The following PXDNL variants were observed in gnomAD, a reference collection of about 807,000 sequenced individuals.
PXDNL encodes probable oxidoreductase PXDNL.
Under a neutral mutation model 150.8 loss-of-function variants are expected in PXDNL, and 145 were observed. That is an observed-to-expected ratio of 0.96 (90% CI 0.84 to 1.10). The LOEUF is 1.10. PXDNL is among the 50% of genes least tolerant of loss of function. The pLI is 0.00. For synonymous variants in PXDNL, 757 were observed against 725.7 expected, an observed-to-expected ratio of 1.04 and a Z score of -0.69; for missense variants, 2,087 against 1,873.9, an observed-to-expected ratio of 1.11 and a Z score of -2.10.
At chr8:51,495,710 C>T (rs973369011) in intron 5 of PXDNL, among the ~76,000 whole-genome samples, 2 of 152,142 alleles carry the variant, frequency 1.3e-5, no homozygotes, top group African/African-American at 4.8e-5. Flanking sequence ...GACACATACA[C>T]CCTCCCAAGA....
chr8:51,397,012 T>C (rs1808102875), intron 17 of PXDNL, among the ~76,000 whole-genome samples: 1 of 152,224 alleles, frequency 6.6e-6, no homozygotes, highest in Non-Finnish European at 1.5e-5. Context: ...GCCACTCAAC[T>C]GTGGTCTTCA....
At chr8:51,462,778 G>A (rs1286773938) in intron 8 of PXDNL, among the ~76,000 whole-genome samples, 2 of 152,078 alleles carry the variant, frequency 1.3e-5, no homozygotes, top group African/African-American at 4.8e-5. Context: ...ACATCAGCAT[G>A]CAAATTCAAG....
chr8:51,766,363 T>C (rs1351701139), intron 1 of PXDNL, among the ~76,000 whole-genome samples: 1 of 152,236 alleles, frequency 6.6e-6, no homozygotes, highest in Non-Finnish European at 1.5e-5. Flanking sequence ...AGTTTTCTTT[T>C]AAATCAGAAG....
At position 51,488,696 on chromosome 8, in the gene PXDNL, C is replaced by G. The variant is rs533274053; in HGVS notation, c.453-4982G>C. Among the ~76,000 whole-genome samples the G allele has an allele frequency of 5.1e-4, 78 of 152,212 alleles. 1 individual carries two copies. Among genetic ancestry groups the G allele is most frequent in the African/African-American group, 1.8e-3 (76 of 41,542 alleles). On this transcript the variant is annotated intron_variant, in intron 5 of 22. Transcript: ENST00000356297. ...AGGGAAAATTTTGTAAGAAAATAAA[C>G]TTATCTAAAGGAGAGCAGGTGAAAC...
At chr8:51,773,244 T>C (rs531906656) in intron 1 of PXDNL, among the ~76,000 whole-genome samples, 2 of 152,330 alleles carry the variant, frequency 1.3e-5, no homozygotes, top group East Asian at 3.9e-4. Context: ...GTAGTTTTCT[T>C]ACCCTCCTGC....
chr8:51,444,660 G>C (rs979093125), intron 12 of PXDNL, among the ~76,000 whole-genome samples: 9 of 152,072 alleles, frequency 5.9e-5, no homozygotes, highest in African/African-American at 1.7e-4. Context: ...AACAGATGAA[G>C]GTTCTGCAAA....
chr8:51,451,695 G>T (rs142005282), intron 10 of PXDNL, among the ~76,000 whole-genome samples: 196 of 152,148 alleles, frequency 1.3e-3, no homozygotes, highest in Non-Finnish European at 2.3e-3. Flanking sequence ...TCTAAAAAAG[G>T]AAGTTTATCT....
At chr8:51,480,844 T>C (rs1450588992) in intron 6 of PXDNL, among the ~76,000 whole-genome samples, 2 of 152,212 alleles carry the variant, frequency 1.3e-5, no homozygotes, top group East Asian at 1.9e-4. Flanking sequence ...TCTGCCATGA[T>C]TGTGAGGCCT....
At chr8:51,436,036 C>A in intron 12 of PXDNL, 2 of 528,580 alleles carry the variant, frequency 3.8e-6, no homozygotes, top group South Asian at 2.8e-5. Flanking sequence ...ATTCCTTGTT[C>A]AAAATAGTCA....
chr8:51,720,594 T>G (rs1433724177), intron 1 of PXDNL, among the ~76,000 whole-genome samples: 1 of 152,214 alleles, frequency 6.6e-6, no homozygotes, highest in African/African-American at 2.4e-5. Context: ...ATTTTGGGTA[T>G]TTTCTGAGCA....
At chr8:51,779,488 G>T (rs1462406521) in intron 1 of PXDNL, among the ~76,000 whole-genome samples, 1 of 152,196 alleles carries the variant, frequency 6.6e-6, no homozygotes, top group Non-Finnish European at 1.5e-5. Context: ...GTACAGTCAT[G>T]CAGGGCACAG....
chr8:51,636,048 TAAG>T, intron 2 of PXDNL, among the ~76,000 whole-genome samples: 1 of 152,090 alleles, frequency 6.6e-6, no homozygotes, highest in Non-Finnish European at 1.5e-5. Flanking sequence ...TAGTTTAACA[TAAG>T]AAAGTCAACC....
intron 1 of PXDNL, among the ~76,000 whole-genome samples, chr8:51,758,584 T>C (rs4442134): frequency 0.17 from 26,606 of 152,082 alleles, 2,699 homozygotes; most frequent in Non-Finnish European, 0.22. Flanking sequence ...ATGGTAGTGG[T>C]TTTCCTTATG....
chr8:51,348,936 T>C (rs1563368384), intron 19 of PXDNL, among the ~76,000 whole-genome samples: 2 of 152,206 alleles, frequency 1.3e-5, no homozygotes, highest in Non-Finnish European at 2.9e-5. Context: ...TTCTGGCTTA[T>C]GCAACTTGCA....
At chr8:51,634,099 TAG>T (rs1342271382) in intron 2 of PXDNL, among the ~76,000 whole-genome samples, 1 of 152,182 alleles carries the variant, frequency 6.6e-6, no homozygotes, top group Admixed American at 6.6e-5. Context: ...CTAGGATTTT[TAG>T]AGTTTGTGAT....
chr8:51,701,957 C>T (rs1449785474), intron 1 of PXDNL, among the ~76,000 whole-genome samples: 1 of 152,186 alleles, frequency 6.6e-6, no homozygotes, highest in African/African-American at 2.4e-5. Context: ...AGCCCCATCC[C>T]AGCCATTAAT....
At chr8:51,655,373 A>T (rs913120542) in intron 1 of PXDNL, among the ~76,000 whole-genome samples, 1 of 152,158 alleles carries the variant, frequency 6.6e-6, no homozygotes. Flanking sequence ...CATGTTAAGT[A>T]ATAGGGATGC....
chr8:51,530,338 T>C (rs1811871360), intron 4 of PXDNL, among the ~76,000 whole-genome samples: 3 of 152,112 alleles, frequency 2.0e-5, no homozygotes, highest in African/African-American at 7.2e-5. Flanking sequence ...ATGACATCTG[T>C]CTTCCTTACC....
intron 19 of PXDNL, among the ~76,000 whole-genome samples, chr8:51,368,952 C>T (rs1056394449): frequency 2.0e-5 from 3 of 152,052 alleles, no homozygotes; most frequent in Admixed American, 1.3e-4. Flanking sequence ...GCCGAGATTG[C>T]ACCACTGCAC....
Sources: gnomAD v4.1 joint callset for allele counts (sites outside exome capture counted in the v4.1 genomes callset) on GRCh38, gnomAD v4.1.1 for gene constraint, MANE v1.5 for transcripts, NCBI Gene and HGNC (gene_info 2026-07-23, HGNC 2026-07-21) for gene names.